Variants in STRN4 observed in about 807,000 individuals in gnomAD.
STRN4 encodes the protein striatin 4, also known as striatin-4.
In STRN4, 27 loss-of-function variants were observed where a neutral mutation model predicts 77.9. That is an observed-to-expected ratio of 0.35 (90% CI 0.26 to 0.48). The LOEUF is 0.48. Ranked by LOEUF, STRN4 falls within the 20% of genes least tolerant of loss-of-function variation. STRN4 has a pLI of 0.99. For synonymous variants in STRN4, 466 were observed against 443.1 expected (o/e 1.05, Z -0.65); for missense variants, 798 against 1,049.7 (o/e 0.76, Z 3.31).
chr19:46,722,543 G>A (rs1490578070), intron 14 of STRN4, among the ~76,000 whole-genome samples: 1 of 152,088 alleles, frequency 6.6e-6, no homozygotes, highest in Non-Finnish European at 1.5e-5. Context: ...CGGGGGAAGA[G>A]GAATAACAAA....
intron 4 of STRN4, among the ~76,000 whole-genome samples, chr19:46,735,982 A>G (rs1261202184): frequency 6.7e-6 from 1 of 148,572 alleles, no homozygotes; most frequent in African/African-American, 2.5e-5. Flanking sequence ...AATAATAATG[A>G]TAATAATTTG....
chr19:46,729,278 C>CTACCGTGAACACTGTCAT (rs1375984013), intron 6 of STRN4, among the ~76,000 whole-genome samples: 4 of 152,220 alleles, frequency 2.6e-5, no homozygotes, highest in African/African-American at 9.7e-5. Context: ...CTGCGAACAG[C>CTACCGTGAACACTGTCAT]TACCGTGAAC....
intron 6 of STRN4, 137 bp downstream of exon 6, chr19:46,730,595 C>G: frequency 7.4e-7 from 1 of 1,360,032 alleles, no homozygotes. Context: ...ACAAGCTCCT[C>G]CAGGCCAGGG....
At chr19:46,720,875 G>T in intron 16 of STRN4, 104 bp from the exon 17 acceptor site, 1 of 1,318,818 alleles carries the variant, frequency 7.6e-7, no homozygotes, top group Non-Finnish European at 1.0e-6. Context: ...AGGGGAAGTG[G>T]GGCTCAACTC....
At chr19:46,730,955 G>T (rs564865553) in intron 5 of STRN4, 82 bp from the exon 6 acceptor site, 3 of 1,575,358 alleles carry the variant, frequency 1.9e-6, no homozygotes, top group East Asian at 2.2e-5. Flanking sequence ...CCCAGGCTTG[G>T]TGGCCAGAGC....
chr19:46,725,693 G>A (rs2054094830), intron 9 of STRN4, 45 bp from the exon 10 acceptor site: 1 of 1,592,494 alleles, frequency 6.3e-7, no homozygotes, highest in Non-Finnish European at 8.6e-7. Context: ...ATCCATCCCA[G>A]CAGTCATGCA....
In STRN4 at chr19:46,738,269, T is replaced by C. The variant is rs1292151693; in HGVS notation, c.387-32A>G. The C allele has an allele frequency of 7.5e-6, 12 of 1,593,352 alleles. No homozygotes were observed. The highest frequency in any genetic ancestry group is 2.2e-5 in the East Asian group (1 of 44,754). ...GAGCAAATGATTAATGAATAAGAGA[T>C]GCGGGAGAGTAGACAGGGTCAGTAG... On this transcript the variant is annotated intron_variant, in intron 2 of 17. Coordinates refer to ENST00000263280, the MANE Select transcript of STRN4 (RefSeq NM_013403.3). The surrounding 1 kb of genome is among the most constrained non-coding windows in gnomAD (Gnocchi z 4.5).
chr19:46,742,357 G>C (rs1446109657), intron 1 of STRN4, among the ~76,000 whole-genome samples: 2 of 152,056 alleles, frequency 1.3e-5, no homozygotes, highest in African/African-American at 4.8e-5. Flanking sequence ...TCTTCTGCTA[G>C]GAGCAGCTGT....
intron 8 of STRN4, 117 bp downstream of exon 8, chr19:46,727,777 G>T: frequency 1.0e-6 from 1 of 964,126 alleles, no homozygotes; most frequent in Non-Finnish European, 1.5e-6. Flanking sequence ...GGGCAGGGAG[G>T]CTGCAGACTG....
At chr19:46,728,559 TG>T in intron 7 of STRN4, 58 bp downstream of exon 7, 1 of 1,574,564 alleles carries the variant, frequency 6.4e-7, no homozygotes. Flanking sequence ...CAGCTGAGCC[TG>T]CTCCCACCCC....
chr19:46,734,171 C>T (rs913771397), intron 4 of STRN4, among the ~76,000 whole-genome samples: 1 of 152,182 alleles, frequency 6.6e-6, no homozygotes, highest in Non-Finnish European at 1.5e-5. Flanking sequence ...GGCAGATTGC[C>T]CAAGATCCCA....
Position 46,723,521 on chromosome 19 carries a change from T to A in STRN4, c.1595-237A>T, listed in dbSNP as rs940584772. 2.0e-5 allele frequency among the ~76,000 whole-genome samples: 3 copies of A among 152,174 alleles called. No homozygotes were observed. The highest frequency in any genetic ancestry group is 4.4e-5 in the Non-Finnish European group (3 of 68,016). On this transcript the variant is annotated intron_variant, in intron 12 of 17. Transcript: ENST00000263280. The surrounding 1 kb of genome is among the most constrained non-coding windows in gnomAD (Gnocchi z 5.5). The stretch of plus-strand genomic sequence containing the variant: ...GCTCCAGAAGGCAGGGATTTCCCTC[T>A]ATTCACAGCTGTCTCCCCAAGCAGG...
Position 46,738,822 on chromosome 19 carries a change from G to A in STRN4, c.349C>T (p.Arg117Trp). 6.2e-7 allele frequency: 1 copy of A among 1,614,114 alleles called. No individual in the cohort carries two copies. Among genetic ancestry groups the A allele is most frequent in the Non-Finnish European group, 8.5e-7 (1 of 1,180,020 alleles). ...AGCGCATACTCTAGCATCTTGATCCGCCGCACCAGGTCCGTCTTTAGATTC... is the reference window on the plus strand; with the variant it reads ...AGCGCATACTCTAGCATCTTGATCCACCGCACCAGGTCCGTCTTTAGATTC... ...QENLKTDLVR[R>W]IKMLEYALKQ... Residue 117 changes from arginine to tryptophan, a missense_variant, in exon 2 of 18, where the codon CGG becomes TGG. Around this residue, in one of 2 missense-constraint regions of STRN4, gnomAD observed 511 missense variants for 575.9 expected, o/e 0.89. Transcript: ENST00000263280. This position sits in a 1 kb window ranked among gnomAD's most constrained non-coding sequence, Gnocchi z 4.5.
At chr19:46,724,156 G>A (rs927501133) in intron 12 of STRN4, among the ~76,000 whole-genome samples, 2 of 149,682 alleles carry the variant, frequency 1.3e-5, no homozygotes, top group Non-Finnish European at 2.9e-5. Context: ...GCTGAGGCAC[G>A]AGAATCACTT....
At position 46,730,680 on chromosome 19, in the gene STRN4, C is replaced by T. The variant is rs966263978; in HGVS notation, c.879+52G>A. On this transcript the variant is annotated intron_variant, in intron 6 of 17. Transcript: ENST00000263280. ...GGCCCAGGCTGACTCGGAAGGGCTT[C>T]GATCAGGTCACACCCAGGCCAGGCT... is the stretch of plus-strand genomic sequence containing the variant. 21 of 1,595,722 alleles carry T rather than the reference C, an allele frequency of 1.3e-5. No individual in the cohort carries two copies. In the African/African-American group the frequency reaches 2.1e-4, roughly 16 times the overall value.
At position 46,733,038 on chromosome 19, in the gene STRN4, C is replaced by G; in HGVS notation, c.737+1G>C. 6.2e-7 allele frequency: 1 copy of G among 1,608,832 alleles called. No homozygotes were observed. The highest frequency in any genetic ancestry group is 1.3e-5 in the African/African-American group (1 of 74,958). The stretch of plus-strand genomic sequence containing the variant: ...CACACCTGCCATGTCCACGGGCTCA[C>G]CTCTTTATCTGCTCCTCGATCTGTT... On this transcript the variant is annotated splice_donor_variant, in intron 5 of 17. Coordinates refer to ENST00000263280, the MANE Select transcript of STRN4 (RefSeq NM_013403.3). LOFTEE classifies it high-confidence loss of function. This position sits in a 1 kb window ranked among gnomAD's most constrained non-coding sequence, Gnocchi z 4.3.
intron 14 of STRN4, 115 bp from the exon 15 acceptor site, chr19:46,722,455 G>T: frequency 2.6e-6 from 3 of 1,158,208 alleles, no homozygotes; most frequent in Non-Finnish European, 3.8e-6. Context: ...GGATGTCGAG[G>T]GGGGCTGGGC....
Position 46,738,825 on chromosome 19 carries a change from G to A in STRN4, c.346C>T (p.Arg116Trp), listed in dbSNP as rs754723763. ...GCATACTCTAGCATCTTGATCCGCC[G>A]CACCAGGTCCGTCTTTAGATTCTCC... is the stretch of plus-strand genomic sequence containing the variant. Reference protein sequence around the residue: ...GQENLKTDLVRRIKMLEYALK... With the variant: ...GQENLKTDLVWRIKMLEYALK... Residue 116 changes from arginine to tryptophan, a missense_variant, in exon 2 of 18, where the codon CGG becomes TGG. Physicochemically the swap from Arg to Trp is moderately radical, Grantham distance 101. Transcript: ENST00000263280. The surrounding 1 kb of genome is among the most constrained non-coding windows in gnomAD (Gnocchi z 4.5). 5 of 1,614,166 alleles carry A rather than the reference G, an allele frequency of 3.1e-6. No homozygotes were observed. Among genetic ancestry groups the A allele is most frequent in the South Asian group, 2.2e-5 (2 of 91,090 alleles).
rs570949255 is a variant in STRN4 at position 46,721,649 on chromosome 19, C to T, written c.2092+337G>A. 7 of 262,572 alleles carry T rather than the reference C, an allele frequency of 2.7e-5. No individual in the cohort carries two copies. The East Asian group carries it at 6.5e-4, about 24-fold the overall frequency. 16.3% of individuals were successfully genotyped at this position (262,572 alleles called of 1,614,324 possible). ...CAACAGGGTGGGAGCACAGAAGTCC[C>T]ACGGGTACCCCCAGGTAGACCTGGA... On this transcript the variant is annotated intron_variant, in intron 16 of 17. Transcript: ENST00000263280.
Sources: allele counts gnomAD v4.1 joint callset (sites outside exome capture counted in the v4.1 genomes callset), GRCh38; gene constraint gnomAD v4.1.1; regional missense constraint gnomAD v4.1.1; non-coding constraint Gnocchi (gnomAD v3.1); transcripts MANE v1.5; gene names NCBI Gene and HGNC (gene_info 2026-07-23, HGNC 2026-07-21).